PRKAG2: variants seen among roughly 807,000 people sequenced by gnomAD.
PRKAG2 encodes 5'-AMP-activated protein kinase subunit gamma-2.
PRKAG2 carries 26 observed loss-of-function variants against 69.6 expected under a neutral mutation model. The observed-to-expected ratio is 0.37, with a 90% confidence interval of 0.27 to 0.52. The LOEUF (loss-of-function observed/expected upper bound fraction) is 0.52, where lower values mean the gene tolerates loss of function less well. PRKAG2 is among the 20% of genes least tolerant of loss of function. The pLI, the probability that PRKAG2 is intolerant of heterozygous loss-of-function variation, is 0.90. For missense variants in PRKAG2, 557 were observed against 740.0 expected, an observed-to-expected ratio of 0.75 and a Z score of 2.87; for synonymous variants, 293 against 285.0, an observed-to-expected ratio of 1.03 and a Z score of -0.28.
In PRKAG2 at chr7:151,632,558, C is replaced by T. The variant is rs945720413; in HGVS notation, c.685-420G>A. 126 of 984,414 alleles carry T rather than the reference C, an allele frequency of 1.3e-4. No individual in the cohort carries two copies. In the Middle Eastern group the frequency reaches 3.1e-3, roughly 25 times the overall value. The allele number at this position is 984,414 out of a possible 1,614,324, so 61.0% of individuals were successfully genotyped here. On this transcript the variant is annotated intron_variant, in intron 4 of 15. Coordinates refer to ENST00000287878, the MANE Select transcript of PRKAG2 (RefSeq NM_016203.4). This position sits in a 1 kb window ranked among gnomAD's most constrained non-coding sequence, Gnocchi z 4.2. ...CGCGGCCCGCCCCCACTCCGCCCCC[C>T]GGCGCCGCTCACCTTCCCAGCACCG...
At chr7:151,818,707 C>A (rs929454283) in intron 1 of PRKAG2, among the ~76,000 whole-genome samples, 1 of 152,248 alleles carries the variant, frequency 6.6e-6, no homozygotes, top group Non-Finnish European at 1.5e-5. Context: ...GAAGAGGGAA[C>A]CCCCTGGGCT....
chr7:151,782,323 AGGAAGGAAGGAAGGAAGGAGGGAG>A (rs1368445747), intron 2 of PRKAG2, among the ~76,000 whole-genome samples: 5 of 46,884 alleles, frequency 1.1e-4, no homozygotes, highest in African/African-American at 3.9e-4. Flanking sequence ...GAAGGAAGGA[AGGAAGGAAGGAAGGAAGGAGGGAG>A]GGAGGGAGGG....
chr7:151,829,726 G>T (rs561990376), intron 1 of PRKAG2, among the ~76,000 whole-genome samples: 30 of 152,050 alleles, frequency 2.0e-4, no homozygotes, highest in African/African-American at 7.0e-4. Flanking sequence ...GTACAACATG[G>T]ATGAAACTTA....
chr7:151,666,355 C>G (rs1007858307), intron 4 of PRKAG2, among the ~76,000 whole-genome samples: 6 of 152,174 alleles, frequency 3.9e-5, no homozygotes, highest in African/African-American at 7.2e-5. Context: ...GATGAAAGCA[C>G]AGTGATGCCT....
intron 3 of PRKAG2, among the ~76,000 whole-genome samples, chr7:151,718,917 A>G (rs1291279745): frequency 6.6e-6 from 1 of 152,064 alleles, no homozygotes; most frequent in African/African-American, 2.4e-5. Context: ...TCTGAGACCT[A>G]AAGGGCTGCC....
rs188285371 is a variant in PRKAG2, at chr7:151,678,012, T to C, written c.467-2375A>G. On this transcript the variant is annotated intron_variant, in intron 3 of 15. Coordinates refer to ENST00000287878, the MANE Select transcript of PRKAG2 (RefSeq NM_016203.4). ...TGTTTCTGGTCTGGACAAGGCTGCGTCACCTACAGAGCCACAGGCCTGGTT... is the reference window on the plus strand; with the variant it reads ...TGTTTCTGGTCTGGACAAGGCTGCGCCACCTACAGAGCCACAGGCCTGGTT... Among the ~76,000 whole-genome samples, 9 of 152,248 alleles carry C rather than the reference T, an allele frequency of 5.9e-5. No individual in the cohort carries two copies. The East Asian group carries it at 1.7e-3, about 29-fold the overall frequency.
intron 4 of PRKAG2, among the ~76,000 whole-genome samples, chr7:151,639,320 C>T (rs543210135): frequency 2.3e-4 from 35 of 152,360 alleles, no homozygotes; most frequent in African/African-American, 8.2e-4. Context: ...CTCCTCCAGT[C>T]TTGCCCGCTT....
intron 6 of PRKAG2, among the ~76,000 whole-genome samples, chr7:151,592,006 A>C (rs1178409878): frequency 1.3e-5 from 2 of 152,132 alleles, no homozygotes; most frequent in African/African-American, 4.8e-5. Context: ...CCCCAAGCCG[A>C]ATGCTGAGCA....
rs730880988 is a variant in PRKAG2 at position 151,574,917 on chromosome 7, G to C, written c.979C>G (p.Leu327Val). Reference sequence around the variant, plus strand: ...ATAGGTGATTTATAGTATCTATGTAGTATATTTATGAAATCTGTAATTGTT... The same window carrying C: ...ATAGGTGATTTATAGTATCTATGTACTATATTTATGAAATCTGTAATTGTT... ...MLTITDFINI[L>V]HRYYKSPMVQ... The change falls in exon 8 of 16, where the codon CTA becomes GTA. Residue 327 changes from leucine to valine, a missense_variant. Leu to Val is a conservative substitution (Grantham distance 32). Transcript: ENST00000287878. 4 of 1,613,272 alleles carry C rather than the reference G, an allele frequency of 2.5e-6. No homozygotes were observed. Among genetic ancestry groups the C allele is most frequent in the African/African-American group, 1.3e-5 (1 of 74,896 alleles).
chr7:151,627,749 A>G (rs1274097884), intron 5 of PRKAG2, among the ~76,000 whole-genome samples: 2 of 152,118 alleles, frequency 1.3e-5, no homozygotes, highest in African/African-American at 4.8e-5. Context: ...CAGTGGTGCA[A>G]CCACATGCGC....
At chr7:151,767,218 C>T (rs532255164) in intron 3 of PRKAG2, among the ~76,000 whole-genome samples, 5 of 152,360 alleles carry the variant, frequency 3.3e-5, no homozygotes, top group African/African-American at 9.6e-5. Flanking sequence ...GACCCCCTCA[C>T]AGCCTCAGAA....
At chr7:151,571,000 ACCT>A (rs1350253381) in intron 9 of PRKAG2, among the ~76,000 whole-genome samples, 1 of 151,506 alleles carries the variant, frequency 6.6e-6, no homozygotes, top group Non-Finnish European at 1.5e-5. Context: ...CGCACTCCTG[ACCT>A]CAAGTGATCC....
chr7:151,661,850 G>C (rs548724956), intron 4 of PRKAG2, among the ~76,000 whole-genome samples: 8 of 152,276 alleles, frequency 5.3e-5, no homozygotes, highest in Non-Finnish European at 1.2e-4. Context: ...GTCATTAAGG[G>C]AACACTGGTA....
rs10689682 is a variant in PRKAG2, at chr7:151,731,535, T to TGTGTGTGTGTGTGC, written c.466+49616_466+49617insGCACACACACACAC. 1.1e-3 allele frequency among the ~76,000 whole-genome samples: 166 copies of TGTGTGTGTGTGTGC among 151,696 alleles called. 1 individual carries two copies. The highest frequency in any genetic ancestry group is 3.5e-3 in the African/African-American group (145 of 41,422). ...GTGGGGAGAGCTCTGTGTGTGTGTGTGCGCACAGGTACATGACATGTGTGT... is the reference window on the plus strand; with the variant it reads ...GTGGGGAGAGCTCTGTGTGTGTGTGTGTGTGTGTGTGTGCGCGCACAGGTACATGACATGTGTGT... On this transcript the variant is annotated intron_variant, in intron 3 of 15. Coordinates refer to ENST00000287878, the MANE Select transcript of PRKAG2 (RefSeq NM_016203.4).
intron 4 of PRKAG2, among the ~76,000 whole-genome samples, chr7:151,660,719 C>T (rs1000704517): frequency 3.3e-5 from 5 of 152,192 alleles, no homozygotes; most frequent in African/African-American, 1.2e-4. Context: ...CTAGCAGGGT[C>T]TACATCTGTT....
chr7:151,865,745 C>CTT (rs2080049898), intron 1 of PRKAG2, among the ~76,000 whole-genome samples: 1 of 152,118 alleles, frequency 6.6e-6, no homozygotes, highest in African/African-American at 2.4e-5. Flanking sequence ...AGAGGCCGGG[C>CTT]GCAGTGGCTC....
At chr7:151,870,691 C>G (rs780037908) in intron 1 of PRKAG2, among the ~76,000 whole-genome samples, 2 of 152,224 alleles carry the variant, frequency 1.3e-5, no homozygotes, top group African/African-American at 2.4e-5. Flanking sequence ...CTGGCTCATT[C>G]CAGCCGGATA....
rs80143989 is a variant in PRKAG2, at chr7:151,706,044, G to C, written c.467-30407C>G. Among the ~76,000 whole-genome samples the C allele has an allele frequency of 2.0e-5, 3 of 152,156 alleles. No individual in the cohort carries two copies. In the East Asian group the frequency reaches 5.8e-4, roughly 29 times the overall value. ...TGAAACGACAGGTATGTGAAACCAT[G>C]TTGTACCCTGCAAAGCATGTTGAAA... On this transcript the variant is annotated intron_variant, in intron 3 of 15. Coordinates refer to ENST00000287878, the MANE Select transcript of PRKAG2 (RefSeq NM_016203.4).
At chr7:151,818,134 G>C (rs2078688669) in intron 1 of PRKAG2, among the ~76,000 whole-genome samples, 1 of 152,124 alleles carries the variant, frequency 6.6e-6, no homozygotes, top group Non-Finnish European at 1.5e-5. Flanking sequence ...CCAGACATTG[G>C]GGCCTTATGA....
Sources: allele counts gnomAD v4.1 joint callset (sites outside exome capture counted in the v4.1 genomes callset), GRCh38; gene constraint gnomAD v4.1.1; non-coding constraint Gnocchi (gnomAD v3.1); transcripts MANE v1.5; gene names NCBI Gene and HGNC (gene_info 2026-07-23, HGNC 2026-07-21).